Variants in SH3KBP1 observed in about 807,000 individuals in gnomAD.
SH3KBP1 encodes SH3 domain containing kinase binding protein 1.
Under a neutral mutation model 50.1 loss-of-function variants are expected in SH3KBP1, and 8 were observed. The observed-to-expected ratio is 0.16, with a 90% CI of 0.09 to 0.29. SH3KBP1 has a LOEUF of 0.29. SH3KBP1 is among the 10% of genes least tolerant of loss of function. The pLI, the probability that SH3KBP1 is intolerant of heterozygous loss-of-function variation, is 1.00. For missense variants in SH3KBP1, 377 were observed against 535.2 expected (o/e 0.70, Z 2.92); for synonymous variants, 227 against 218.6 (o/e 1.04, Z -0.34).
At position 19,600,253 on chromosome X, in the gene SH3KBP1, G is replaced by A. The variant is rs183797450; in HGVS notation, c.1006-5253C>T. Among the ~76,000 whole-genome samples, 362 of 108,930 alleles carry A rather than the reference G, an allele frequency of 3.3e-3. 1 individual carries two copies. The highest frequency in any genetic ancestry group is 9.8e-3 in the Middle Eastern group (2 of 205). The allele number at this position is 108,930 out of a possible 115,157, so 94.6% of individuals were successfully genotyped here. A position where few individuals can be genotyped will look rare whatever the true frequency, so the allele number is the denominator to read the frequency against. On this transcript the variant is annotated intron_variant, in intron 9 of 17. Transcript: ENST00000397821. ...CAAAAAGTCAGTCCGGCGTGGTGGC[G>A]CATGCCTGTGGTCCCATCTACTCGG...
chrX:19,872,833 TCACACACACACA>T (rs774471891), intron 1 of SH3KBP1, among the ~76,000 whole-genome samples: 3 of 96,497 alleles, frequency 3.1e-5, no homozygotes, highest in East Asian at 3.1e-4. Flanking sequence ...TCTCTCTCTC[TCACACACACACA>T]CACACACACA....
At chrX:19,842,984 C>A (rs1408397221) in intron 1 of SH3KBP1, among the ~76,000 whole-genome samples, 2 of 107,177 alleles carry the variant, frequency 1.9e-5, no homozygotes, top group African/African-American at 6.9e-5. Context: ...AACCAGAGAA[C>A]CGTAACAGAT....
At chrX:19,678,309 G>GAA (rs2062974129) in intron 6 of SH3KBP1, among the ~76,000 whole-genome samples, 1 of 109,739 alleles carries the variant, frequency 9.1e-6, no homozygotes, top group Non-Finnish European at 1.9e-5. Flanking sequence ...CATCAAAAGT[G>GAA]TCTATAGATT....
chrX:19,785,246 G>C (rs1368562080), intron 2 of SH3KBP1, among the ~76,000 whole-genome samples: 3 of 110,310 alleles, frequency 2.7e-5, no homozygotes, highest in African/African-American at 9.9e-5. Context: ...TCAAGTCAAA[G>C]TATTTGGTAT....
intron 2 of SH3KBP1, among the ~76,000 whole-genome samples, chrX:19,779,587 C>T (rs1453958612): frequency 5.5e-5 from 4 of 72,539 alleles, no homozygotes; most frequent in African/African-American, 2.1e-4. Context: ...CTCCCCCCAC[C>T]CCACAACAGG....
intron 3 of SH3KBP1, among the ~76,000 whole-genome samples, chrX:19,738,245 G>A (rs1003188942): frequency 9.0e-6 from 1 of 111,159 alleles, no homozygotes; most frequent in Non-Finnish European, 1.9e-5. Context: ...AATTTGACGA[G>A]AGAGGCAATT....
intron 12 of SH3KBP1, among the ~76,000 whole-genome samples, chrX:19,584,067 TAG>T (rs60344324): frequency 0.056 from 5,251 of 93,039 alleles, 417 homozygotes; most frequent in African/African-American, 0.2. Context: ...TATTTCAAAA[TAG>T]ATAAATATAT....
chrX:19,836,678 C>T (rs2068066547), intron 1 of SH3KBP1, among the ~76,000 whole-genome samples: 1 of 112,068 alleles, frequency 8.9e-6, no homozygotes, highest in South Asian at 3.7e-4. Context: ...CTATGTGATG[C>T]TAACCTCTCT....
chrX:19,696,032 A>G (rs759741239), intron 4 of SH3KBP1, among the ~76,000 whole-genome samples: 1 of 112,150 alleles, frequency 8.9e-6, no homozygotes, highest in South Asian at 3.7e-4. Flanking sequence ...AACGTAGGGT[A>G]GGTAACACAC....
At chrX:19,884,784 A>G (rs1569495072) in intron 1 of SH3KBP1, among the ~76,000 whole-genome samples, 2 of 111,818 alleles carry the variant, frequency 1.8e-5, no homozygotes, top group Admixed American at 9.5e-5. Flanking sequence ...TAATTATAAG[A>G]GGCTTTCTCT....
At chrX:19,586,445 A>G (rs886155287) in intron 12 of SH3KBP1, among the ~76,000 whole-genome samples, 60 of 112,453 alleles carry the variant, frequency 5.3e-4, no homozygotes, top group African/African-American at 1.9e-3. Flanking sequence ...CCCCATTTGT[A>G]TAGCTCGTAT....
intron 7 of SH3KBP1, among the ~76,000 whole-genome samples, chrX:19,644,576 C>T (rs1377159269): frequency 8.9e-6 from 1 of 111,999 alleles, no homozygotes; most frequent in Non-Finnish European, 1.9e-5. Context: ...GCACACATGA[C>T]TATTGAGTGC....
intron 1 of SH3KBP1, among the ~76,000 whole-genome samples, chrX:19,858,304 C>T (rs1214650057): frequency 9.0e-6 from 1 of 111,296 alleles, no homozygotes; most frequent in East Asian, 2.8e-4. Flanking sequence ...AAAATCATAT[C>T]GCCCAGACCG....
At chrX:19,573,072 T>C (rs1255758200) in intron 12 of SH3KBP1, among the ~76,000 whole-genome samples, 1 of 111,792 alleles carries the variant, frequency 8.9e-6, no homozygotes, top group Non-Finnish European at 1.9e-5. Flanking sequence ...TTTTCTGAAA[T>C]GAGAATGCAT....
rs757411815 is a variant in SH3KBP1 at position 19,541,979 on chromosome X, C to G, written c.1838G>C (p.Arg613Thr). ...GCTCCTCAGCTCGCGGACCTGTGTC[C>G]TTAGCTCCTCCACGGCCGCCTGGCT... ...ASSQAAVEEL[R>T]TQVRELRSII... The change falls in exon 16 of 18, where the codon AGG becomes ACG. Residue 613 changes from arginine (R) to threonine (T), a missense_variant. Physicochemically the swap from Arg to Thr is moderately conservative, Grantham distance 71 (BLOSUM62 -1). This residue lies in a region of SH3KBP1 where 110 missense variants were observed against 124.1 expected (regional missense o/e 0.89). Transcript: ENST00000397821. The G allele has an allele frequency of 4.1e-6, 5 of 1,211,965 alleles. No homozygotes were observed. Among genetic ancestry groups the G allele is most frequent in the Non-Finnish European group, 4.5e-6 (4 of 895,536 alleles).
chrX:19,756,185 G>A (rs1222802697), intron 2 of SH3KBP1, among the ~76,000 whole-genome samples: 1 of 110,931 alleles, frequency 9.0e-6, no homozygotes, highest in Non-Finnish European at 1.9e-5. Context: ...GTATCATTCC[G>A]GCTATTTTCT....
At chrX:19,804,188 G>T (rs764304808) in intron 2 of SH3KBP1, among the ~76,000 whole-genome samples, 1 of 111,176 alleles carries the variant, frequency 9.0e-6, no homozygotes, top group South Asian at 3.7e-4. Flanking sequence ...AAAGGAAAAA[G>T]AAATGAAACC....
At chrX:19,833,071 C>T (rs757689255) in intron 2 of SH3KBP1, among the ~76,000 whole-genome samples, 7 of 112,050 alleles carry the variant, frequency 6.2e-5, no homozygotes, top group East Asian at 2.8e-4. Flanking sequence ...GTTCAAAATA[C>T]GACCTACCCT....
intron 2 of SH3KBP1, among the ~76,000 whole-genome samples, chrX:19,788,501 C>T (rs777959595): frequency 1.8e-5 from 2 of 110,732 alleles, no homozygotes; most frequent in Admixed American, 1.9e-4. Flanking sequence ...TTCCAGCCTC[C>T]AGAACTGCCA....
Sources: gnomAD v4.1 joint callset for allele counts (sites outside exome capture counted in the v4.1 genomes callset) on GRCh38, gnomAD v4.1.1 for gene constraint, gnomAD v4.1.1 regional missense constraint, MANE v1.5 for transcripts, NCBI Gene and HGNC (gene_info 2026-07-23, HGNC 2026-07-21) for gene names.